Variants in BAALC observed in about 807,000 individuals in gnomAD.
The protein encoded by BAALC is BAALC binder of MAP3K1 and KLF4.
Under a neutral mutation model 15.5 loss-of-function variants are expected in BAALC, and 9 were observed. The observed-to-expected ratio is 0.58, with a 90% CI of 0.35 to 1.02. BAALC has a LOEUF of 1.02. Ranked by LOEUF, BAALC falls within the 50% of genes least tolerant of loss-of-function variation. The pLI is 0.02. For missense variants in BAALC, 201 were observed against 192.4 expected (o/e 1.04, Z -0.27); for synonymous variants, 80 against 74.6 (o/e 1.07, Z -0.37).
At chr8:103,174,586 G>C (rs1482657090) in intron 1 of BAALC, among the ~76,000 whole-genome samples, 1 of 152,194 alleles carries the variant, frequency 6.6e-6, no homozygotes, top group Non-Finnish European at 1.5e-5. Flanking sequence ...TAGATCATAG[G>C]CAAAGGGTAA....
intron 1 of BAALC, among the ~76,000 whole-genome samples, chr8:103,204,831 A>G (rs756873580): frequency 5.9e-5 from 9 of 152,216 alleles, no homozygotes; most frequent in Non-Finnish European, 1.3e-4. Context: ...ATTTCTCATC[A>G]GATTGAAGAA....
At chr8:103,166,989 A>C (rs938996229) in intron 1 of BAALC, among the ~76,000 whole-genome samples, 2 of 152,170 alleles carry the variant, frequency 1.3e-5, no homozygotes, top group Admixed American at 1.3e-4. Flanking sequence ...ATTTCTAAGA[A>C]TGATACCTGG....
chr8:103,205,720 G>A (rs1476082601), intron 1 of BAALC, among the ~76,000 whole-genome samples: 2 of 152,160 alleles, frequency 1.3e-5, no homozygotes, highest in African/African-American at 4.8e-5. Context: ...CATTTTAACA[G>A]ACACCCCAGG....
intron 2 of BAALC, among the ~76,000 whole-genome samples, chr8:103,219,709 A>G (rs548623876): frequency 6.6e-6 from 1 of 152,200 alleles, no homozygotes; most frequent in African/African-American, 2.4e-5. Context: ...CTAAGATCAA[A>G]TATCCCCTGA....
rs1403033709 is a variant in BAALC, at chr8:103,177,188, G to GT, written c.161-35727dup. On this transcript the variant is annotated intron_variant, in intron 1 of 2. Coordinates refer to ENST00000309982, the MANE Select transcript of BAALC (RefSeq NM_024812.3). ...GTTTTTTGTTGTTGTTGTTGTTGTT[G>GT]TTTTGTTTTTTTTTTTTTGAGACAA... Among the ~76,000 whole-genome samples, 502 of 86,564 alleles carry GT rather than the reference G, an allele frequency of 5.8e-3. 1 individual carries two copies. The highest frequency in any genetic ancestry group is 0.017 in the African/African-American group (429 of 25,536). 56.8% of individuals were successfully genotyped at this position (86,564 alleles called of 152,430 possible). A position where few individuals can be genotyped will look rare whatever the true frequency, so the allele number is the denominator to read the frequency against.
intron 1 of BAALC, among the ~76,000 whole-genome samples, chr8:103,177,188 GTTTTGTT>G (rs1811624977): frequency 2.3e-5 from 2 of 86,576 alleles, no homozygotes; most frequent in Non-Finnish European, 5.6e-5. Context: ...TGTTGTTGTT[GTTTTGTT>G]TTTTTTTTTT....
At chr8:103,182,877 C>T (rs1494273) in intron 1 of BAALC, among the ~76,000 whole-genome samples, 81,042 of 151,952 alleles carry the variant, frequency 0.53, 21,768 homozygotes, top group African/African-American at 0.58. Context: ...AACTCCATAG[C>T]ACAGGGAGGC....
At chr8:103,155,171 A>G (rs913530025) in intron 1 of BAALC, among the ~76,000 whole-genome samples, 2 of 152,182 alleles carry the variant, frequency 1.3e-5, no homozygotes, top group African/African-American at 4.8e-5. Flanking sequence ...TATCTATTAG[A>G]TTGGACCAAA....
At chr8:103,162,252 A>G (rs1445304059) in intron 1 of BAALC, among the ~76,000 whole-genome samples, 1 of 152,206 alleles carries the variant, frequency 6.6e-6, no homozygotes, top group African/African-American at 2.4e-5. Flanking sequence ...ATGAGCCACC[A>G]TGCCCAGCTT....
intron 1 of BAALC, among the ~76,000 whole-genome samples, chr8:103,202,251 T>C (rs772665473): frequency 4.6e-5 from 7 of 152,142 alleles, no homozygotes; most frequent in South Asian, 4.1e-4. Flanking sequence ...TAATTGAAGA[T>C]AGGGCCTTTA....
chr8:103,216,009 A>G (rs1288089935), intron 2 of BAALC, among the ~76,000 whole-genome samples: 2 of 152,362 alleles, frequency 1.3e-5, no homozygotes, highest in East Asian at 3.9e-4. Context: ...TGAGACTTAT[A>G]AATAGAATCA....
intron 1 of BAALC, among the ~76,000 whole-genome samples, chr8:103,207,622 T>A (rs1359915522): frequency 6.6e-6 from 1 of 152,118 alleles, no homozygotes; most frequent in African/African-American, 2.4e-5. Context: ...CAGTGAAAAG[T>A]AAATTTATGC....
At chr8:103,152,067 T>C (rs982197072) in intron 1 of BAALC, among the ~76,000 whole-genome samples, 1 of 152,080 alleles carries the variant, frequency 6.6e-6, no homozygotes, top group Non-Finnish European at 1.5e-5. Flanking sequence ...CCCTTGACAA[T>C]TCATTCTTCA....
intron 1 of BAALC, among the ~76,000 whole-genome samples, chr8:103,186,927 A>G (rs1422293972): frequency 1.3e-5 from 2 of 152,180 alleles, no homozygotes; most frequent in African/African-American, 4.8e-5. Context: ...GAAAGCAGTG[A>G]GCTCAGAGAG....
At position 103,166,524 on chromosome 8, in the gene BAALC, T is replaced by C. The variant is rs1439249150; in HGVS notation, c.160+25467T>C. Among the ~76,000 whole-genome samples the C allele has an allele frequency of 3.3e-5, 5 of 152,286 alleles. No homozygotes were observed. The East Asian group carries it at 9.6e-4, about 29-fold the overall frequency. On this transcript the variant is annotated intron_variant, in intron 1 of 2. Transcript: ENST00000309982. Reference sequence around the variant, plus strand: ...GAGGGCAGAAACCGTTTTGTTTTTTTGTTTTTGGAATGGACAGTGACACTG... The same window carrying C: ...GAGGGCAGAAACCGTTTTGTTTTTTCGTTTTTGGAATGGACAGTGACACTG...
intron 1 of BAALC, among the ~76,000 whole-genome samples, chr8:103,164,932 C>T (rs1196202180): frequency 6.6e-6 from 1 of 152,098 alleles, no homozygotes; most frequent in East Asian, 1.9e-4. Flanking sequence ...TACCTGTCCC[C>T]TAAAAAGGCT....
intron 2 of BAALC, among the ~76,000 whole-genome samples, chr8:103,226,720 T>A (rs528544663): frequency 6.6e-6 from 1 of 152,362 alleles, no homozygotes; most frequent in South Asian, 2.1e-4. Context: ...CATTGGTTTA[T>A]CCTTAGTTAG....
At chr8:103,176,719 G>C (rs1811614753) in intron 1 of BAALC, among the ~76,000 whole-genome samples, 1 of 152,194 alleles carries the variant, frequency 6.6e-6, no homozygotes, top group South Asian at 2.1e-4. Context: ...TGCATGAAGG[G>C]TTCAGACTCT....
At position 103,156,206 on chromosome 8, in the gene BAALC, A is replaced by T. The variant is rs150610176; in HGVS notation, c.160+15149A>T. Among the ~76,000 whole-genome samples the T allele has an allele frequency of 2.0e-4, 31 of 152,346 alleles. No individual in the cohort carries two copies. The East Asian group carries it at 5.6e-3, about 27-fold the overall frequency. On this transcript the variant is annotated intron_variant, in intron 1 of 2. Coordinates refer to ENST00000309982, the MANE Select transcript of BAALC (RefSeq NM_024812.3). ...CAGTTACTAGTCCTAGCCCTCAGAAACATCTCTAAATAGCTCAGCACATGC... is the reference window on the plus strand; with the variant it reads ...CAGTTACTAGTCCTAGCCCTCAGAATCATCTCTAAATAGCTCAGCACATGC...
Sources: allele counts gnomAD v4.1 joint callset (sites outside exome capture counted in the v4.1 genomes callset), GRCh38; gene constraint gnomAD v4.1.1; transcripts MANE v1.5; gene names NCBI Gene and HGNC (gene_info 2026-07-23, HGNC 2026-07-21).